The following DLGAP1 variants were observed in gnomAD, a reference collection of about 807,000 sequenced individuals.
DLGAP1 encodes the protein disks large-associated protein 1.
Under a neutral mutation model 90.8 loss-of-function variants are expected in DLGAP1, and 11 were observed. The observed-to-expected ratio is 0.12, with a 90% confidence interval of 0.08 to 0.20. The LOEUF is 0.20. Among genes scored for constraint, DLGAP1 ranks in the 10% least tolerant of loss-of-function variants. The pLI, the probability that DLGAP1 is intolerant of heterozygous loss-of-function variation, is 1.00. For synonymous variants in DLGAP1, 558 were observed against 540.7 expected (o/e 1.03, Z -0.44); for missense variants, 1,050 against 1,333.8 (o/e 0.79, Z 3.31).
intron 7 of DLGAP1, among the ~76,000 whole-genome samples, chr18:3,611,108 G>A (rs2057599499): frequency 6.6e-6 from 1 of 151,434 alleles, no homozygotes; most frequent in Non-Finnish European, 1.5e-5. Flanking sequence ...CTCTACCCTG[G>A]GCGATAGAGC....
At chr18:3,844,521 C>A (rs1189366736) in intron 4 of DLGAP1, among the ~76,000 whole-genome samples, 2 of 152,124 alleles carry the variant, frequency 1.3e-5, no homozygotes, top group Non-Finnish European at 2.9e-5. Context: ...GATAGAGTAA[C>A]CAAGGTAGCA....
Position 3,711,042 on chromosome 18 carries a change from A to G in DLGAP1, c.1591+18093T>C, listed in dbSNP as rs1181784632. 1.3e-5 allele frequency among the ~76,000 whole-genome samples: 2 copies of G among 152,226 alleles called. No individual in the cohort carries two copies. The highest frequency in any genetic ancestry group is 6.5e-5 in the Admixed American group (1 of 15,282). ...GCAAGAAGAAGGCCAGTGCGTCTGC[A>G]ACAGAAGAGTCCAGAAACACGACAG... On this transcript the variant is annotated intron_variant, in intron 7 of 12. Coordinates refer to ENST00000315677, the MANE Select transcript of DLGAP1 (RefSeq NM_004746.4). The surrounding 1 kb of genome is among the most constrained non-coding windows in gnomAD (Gnocchi z 4.0).
chr18:4,423,062 TA>T (rs1482853904), intron 1 of DLGAP1, among the ~76,000 whole-genome samples: 10 of 152,196 alleles, frequency 6.6e-5, no homozygotes, highest in Non-Finnish European at 1.5e-4. Context: ...AAAATAATGA[TA>T]TTTTATATAC....
At chr18:3,551,527 T>C (rs60187899) in intron 9 of DLGAP1, among the ~76,000 whole-genome samples, 36,214 of 151,790 alleles carry the variant, frequency 0.24, 4,890 homozygotes, top group East Asian at 0.4. Flanking sequence ...GGATTACAGG[T>C]GTGTACCACT....
At chr18:3,948,284 T>C (rs775885610) in intron 3 of DLGAP1, among the ~76,000 whole-genome samples, 2 of 151,578 alleles carry the variant, frequency 1.3e-5, no homozygotes, top group South Asian at 4.1e-4. Flanking sequence ...TTGCTGTGAA[T>C]GATGCCAGAG....
chr18:3,628,504 T>C (rs1270597040), intron 7 of DLGAP1, among the ~76,000 whole-genome samples: 1 of 152,030 alleles, frequency 6.6e-6, no homozygotes, highest in Non-Finnish European at 1.5e-5. Context: ...TAAAGAATAA[T>C]TACAAAATGA....
chr18:3,678,519 T>A (rs2060394421), intron 7 of DLGAP1, among the ~76,000 whole-genome samples: 1 of 152,236 alleles, frequency 6.6e-6, no homozygotes, highest in African/African-American at 2.4e-5. Context: ...CTTATCTTCC[T>A]AATAGGCTGA....
At chr18:3,741,172 A>C (rs1000074938) in intron 6 of DLGAP1, among the ~76,000 whole-genome samples, 5 of 45,552 alleles carry the variant, frequency 1.1e-4, no homozygotes, top group Non-Finnish European at 2.1e-4. Context: ...TCACCACCAC[A>C]TCACCACCAC....
At chr18:3,590,554 C>T (rs966777065) in intron 7 of DLGAP1, among the ~76,000 whole-genome samples, 2 of 152,068 alleles carry the variant, frequency 1.3e-5, no homozygotes, top group Admixed American at 1.3e-4. Context: ...GTGACACATG[C>T]TATGAAAATT....
intron 1 of DLGAP1, among the ~76,000 whole-genome samples, chr18:4,243,819 C>G (rs1240983619): frequency 6.6e-6 from 1 of 151,888 alleles, no homozygotes; most frequent in African/African-American, 2.4e-5. Context: ...ACCCGCTTAT[C>G]TTTTTTTTAC....
intron 4 of DLGAP1, among the ~76,000 whole-genome samples, chr18:3,829,775 T>C (rs2067930314): frequency 6.6e-6 from 1 of 152,206 alleles, no homozygotes; most frequent in African/African-American, 2.4e-5. Flanking sequence ...CTACTGATTA[T>C]AGATTTTAAC....
chr18:4,167,075 A>G (rs902509129), intron 1 of DLGAP1, among the ~76,000 whole-genome samples: 2 of 152,234 alleles, frequency 1.3e-5, no homozygotes, highest in Non-Finnish European at 2.9e-5. Flanking sequence ...AAATTAATCA[A>G]GACAGACTCC....
chr18:4,302,242 C>T (rs953033160), intron 1 of DLGAP1, among the ~76,000 whole-genome samples: 5 of 152,010 alleles, frequency 3.3e-5, no homozygotes, highest in African/African-American at 1.2e-4. Flanking sequence ...GTAGTTTTTC[C>T]CCCGTATTTT....
At position 4,285,536 on chromosome 18, in the gene DLGAP1, A is replaced by G. The variant is rs138297264; in HGVS notation, c.-266-134249T>C. On this transcript the variant is annotated intron_variant, in intron 1 of 12. Coordinates refer to ENST00000315677, the MANE Select transcript of DLGAP1 (RefSeq NM_004746.4). ...TCTTGATAAAAGAAAAACTTCAGCC[A>G]AATTCAATTTAAAGAAGTTTAATTG... Among the ~76,000 whole-genome samples the G allele has an allele frequency of 1.0e-3, 153 of 152,362 alleles. 2 individuals carry two copies. Among genetic ancestry groups the G allele is most frequent in the African/African-American group, 3.4e-3 (140 of 41,586 alleles).
intron 1 of DLGAP1, chr18:4,295,044 G>C (rs555675527): frequency 1.3e-5 from 2 of 152,286 alleles, no homozygotes; most frequent in East Asian, 3.9e-4. Context: ...AGTTTATACG[G>C]GTACAGGACA....
At chr18:4,316,821 T>G (rs1022201065) in intron 1 of DLGAP1, among the ~76,000 whole-genome samples, 2 of 152,228 alleles carry the variant, frequency 1.3e-5, no homozygotes, top group African/African-American at 4.8e-5. Context: ...TGCCACAATT[T>G]GGCCACTAGA....
chr18:4,023,334 C>T (rs2074645434), intron 2 of DLGAP1, among the ~76,000 whole-genome samples: 1 of 152,026 alleles, frequency 6.6e-6, no homozygotes, highest in Non-Finnish European at 1.5e-5. Flanking sequence ...AGGCTTTTAA[C>T]ACTAGGAAAA....
intron 3 of DLGAP1, among the ~76,000 whole-genome samples, chr18:3,892,296 T>G (rs2071489847): frequency 1.3e-5 from 2 of 152,128 alleles, no homozygotes; most frequent in Admixed American, 1.3e-4. Context: ...TGAATGTGAC[T>G]CAAGGTGGGA....
intron 2 of DLGAP1, among the ~76,000 whole-genome samples, chr18:4,109,326 A>G (rs2075929506): frequency 6.6e-6 from 1 of 152,110 alleles, no homozygotes; most frequent in Non-Finnish European, 1.5e-5. Flanking sequence ...GCCATTTAAC[A>G]TAACATAATT....
Sources: gnomAD v4.1 joint callset for allele counts (sites outside exome capture counted in the v4.1 genomes callset) on GRCh38, gnomAD v4.1.1 for gene constraint, Gnocchi (gnomAD v3.1) non-coding constraint, MANE v1.5 for transcripts, NCBI Gene and HGNC (gene_info 2026-07-23, HGNC 2026-07-21) for gene names.